The following PTPRT variants were observed in gnomAD, a reference collection of about 807,000 sequenced individuals.
PTPRT encodes receptor-type tyrosine-protein phosphatase T.
In PTPRT, 56 loss-of-function variants were observed where a neutral mutation model predicts 176.8. That is an observed-to-expected ratio of 0.32 (90% CI 0.26 to 0.40). The LOEUF is 0.40. PTPRT is among the 10% of genes least tolerant of loss of function. The pLI is 1.00. For synonymous variants in PTPRT, 783 were observed against 739.0 expected, an observed-to-expected ratio of 1.06 and a Z score of -0.96; for missense variants, 1,540 against 1,908.2, an observed-to-expected ratio of 0.81 and a Z score of 3.60.
chr20:43,103,476 T>G (rs778568385), intron 1 of PTPRT, among the ~76,000 whole-genome samples: 9 of 152,152 alleles, frequency 5.9e-5, no homozygotes, highest in Non-Finnish European at 1.0e-4. Flanking sequence ...CTGAGACCCT[T>G]TTCAGATGAC....
chr20:42,636,170 T>C (rs150129766), intron 7 of PTPRT, among the ~76,000 whole-genome samples: 2 of 152,232 alleles, frequency 1.3e-5, no homozygotes, highest in Non-Finnish European at 2.9e-5. Context: ...TATGGCTGCA[T>C]GGAGGTTGCC....
chr20:42,124,878 G>T (rs1172019998), intron 19 of PTPRT, among the ~76,000 whole-genome samples: 7 of 152,060 alleles, frequency 4.6e-5, no homozygotes, highest in African/African-American at 7.2e-5. Context: ...TTCCTTCCAT[G>T]GTCTGCTCTG....
chr20:43,167,325 A>G (rs554768850), intron 1 of PTPRT, among the ~76,000 whole-genome samples: 8 of 152,334 alleles, frequency 5.3e-5, no homozygotes, highest in African/African-American at 1.7e-4. Flanking sequence ...TAACCAGATC[A>G]AATCTATCAG....
At chr20:42,115,103 G>A in intron 22 of PTPRT, 96 bp downstream of exon 22, 1 of 873,194 alleles carries the variant, frequency 1.1e-6, no homozygotes, top group Non-Finnish European at 1.9e-6. Context: ...TATGGGGCTG[G>A]ACGTAGAGCA....
chr20:43,055,473 G>A (rs925590942), intron 1 of PTPRT, among the ~76,000 whole-genome samples: 1 of 152,124 alleles, frequency 6.6e-6, no homozygotes, highest in Non-Finnish European at 1.5e-5. Context: ...AGTCTTTCCT[G>A]GGACTCTGAC....
intron 7 of PTPRT, among the ~76,000 whole-genome samples, chr20:42,554,476 G>C (rs963705764): frequency 1.2e-4 from 18 of 152,136 alleles, no homozygotes; most frequent in African/African-American, 4.3e-4. Flanking sequence ...GGGCAGGGAG[G>C]CTGTCCTCAC....
chr20:43,127,342 G>T (rs1436277024), intron 1 of PTPRT, among the ~76,000 whole-genome samples: 3 of 150,662 alleles, frequency 2.0e-5, no homozygotes, highest in Admixed American at 6.7e-5. Context: ...AGAATGGCGT[G>T]AACCTGGGAG....
intron 2 of PTPRT, among the ~76,000 whole-genome samples, chr20:42,875,923 T>G (rs2078921984): frequency 6.6e-6 from 1 of 152,206 alleles, no homozygotes; most frequent in Non-Finnish European, 1.5e-5. Flanking sequence ...GTTGCAAAGA[T>G]TAAATAAGTT....
chr20:42,117,215 T>C lies in PTPRT; in HGVS notation c.2982+1188A>G, dbSNP rs117388631. ...GCCCTGAGATGTCCATACCCCTTTA[T>C]TGGATTACGAAAGCCCAGATTGTCT... On this transcript the variant is annotated intron_variant, in intron 21 of 30. Transcript: ENST00000373187. 1.4e-3 allele frequency among the ~76,000 whole-genome samples: 207 copies of C among 152,332 alleles called. 5 individuals carry two copies. The East Asian group carries it at 0.036, about 26-fold the overall frequency.
At chr20:42,727,134 T>C (rs2076393200) in intron 6 of PTPRT, among the ~76,000 whole-genome samples, 1 of 152,118 alleles carries the variant, frequency 6.6e-6, no homozygotes, top group African/African-American at 2.4e-5. Flanking sequence ...GAGAGAGGCC[T>C]CCATTGTGGG....
At chr20:42,248,346 C>T (rs1166858593) in intron 14 of PTPRT, among the ~76,000 whole-genome samples, 9 of 152,138 alleles carry the variant, frequency 5.9e-5, no homozygotes, top group South Asian at 2.1e-4. Flanking sequence ...CTGGGGCTCC[C>T]GAGCTATCTT....
At chr20:43,160,250 A>G (rs1428773604) in intron 1 of PTPRT, among the ~76,000 whole-genome samples, 1 of 152,192 alleles carries the variant, frequency 6.6e-6, no homozygotes, top group African/African-American at 2.4e-5. Context: ...GGCCTCACGG[A>G]GGCATCCAAC....
rs1024332507 is a variant in PTPRT at position 42,855,408 on chromosome 20, G to C, written c.214+30399C>G. On this transcript the variant is annotated intron_variant, in intron 2 of 30. Transcript: ENST00000373187. ...AAGTGCCACCTGGGCCAAAATGAAAGAAGAGTAATCTATGTTCATGCTTTT... is the reference window on the plus strand; with the variant it reads ...AAGTGCCACCTGGGCCAAAATGAAACAAGAGTAATCTATGTTCATGCTTTT... Among the ~76,000 whole-genome samples, 3 of 144,232 alleles carry C rather than the reference G, an allele frequency of 2.1e-5. No homozygotes were observed. The East Asian group carries it at 6.2e-4, about 30-fold the overall frequency. 94.6% of individuals were successfully genotyped at this position (144,232 alleles called of 152,430 possible).
At position 42,123,844 on chromosome 20, in the gene PTPRT, C is replaced by A. The variant is rs555242155; in HGVS notation, c.2848-3873G>T. On this transcript the variant is annotated intron_variant, in intron 19 of 30. Coordinates refer to ENST00000373187, the MANE Select transcript of PTPRT (RefSeq NM_007050.6). ...CACCCCATCAGCTTCTTTCCACTTTCTCTGGCTTACTTTTCGTTAGATAAC... is the reference window on the plus strand; with the variant it reads ...CACCCCATCAGCTTCTTTCCACTTTATCTGGCTTACTTTTCGTTAGATAAC... Among the ~76,000 whole-genome samples the A allele has an allele frequency of 5.9e-5, 9 of 152,336 alleles. No homozygotes were observed. The South Asian group carries it at 1.9e-3, about 32-fold the overall frequency.
Position 42,184,589 on chromosome 20 carries a change from TTCTTCC to T in PTPRT, c.2491+14645_2491+14650del, listed in dbSNP as rs1568652457. On this transcript the variant is annotated intron_variant, in intron 16 of 30. Coordinates refer to ENST00000373187, the MANE Select transcript of PTPRT (RefSeq NM_007050.6). ...CTTCTTCTTCTTCTTCTTCTTCTTCTTCTTCCTCTTCTTCTTCTTCTTCTTCTCCTC... is the reference window on the plus strand; with the variant it reads ...CTTCTTCTTCTTCTTCTTCTTCTTCTTCTTCTTCTTCTTCTTCTTCTCCTC... 3.5e-4 allele frequency among the ~76,000 whole-genome samples: 50 copies of T among 143,560 alleles called. 1 individual carries two copies. Among genetic ancestry groups the T allele is most frequent in the Middle Eastern group, 6.8e-3 (2 of 292 alleles). The allele number at this position is 143,560 out of a possible 152,430, so 94.2% of individuals were successfully genotyped here.
intron 7 of PTPRT, among the ~76,000 whole-genome samples, chr20:42,596,586 A>C (rs1022365639): frequency 6.6e-6 from 1 of 152,142 alleles, no homozygotes; most frequent in Non-Finnish European, 1.5e-5. Flanking sequence ...GTAACAGAAA[A>C]CCTAATATCT....
intron 1 of PTPRT, among the ~76,000 whole-genome samples, chr20:43,131,460 T>C (rs1467936601): frequency 1.3e-5 from 2 of 152,254 alleles, no homozygotes; most frequent in African/African-American, 4.8e-5. Context: ...TAATGATATA[T>C]TATTTCTATA....
At chr20:42,242,077 C>T (rs1300258774) in intron 14 of PTPRT, among the ~76,000 whole-genome samples, 1 of 152,106 alleles carries the variant, frequency 6.6e-6, no homozygotes. Flanking sequence ...TTAGCTTGGC[C>T]TGAGTTAGCT....
At chr20:42,731,920 C>A (rs1402431227) in intron 6 of PTPRT, among the ~76,000 whole-genome samples, 1 of 152,184 alleles carries the variant, frequency 6.6e-6, no homozygotes, top group African/African-American at 2.4e-5. Flanking sequence ...TTCTCATTCT[C>A]CAGGTTTTAA....
Sources: gnomAD v4.1 joint callset for allele counts (sites outside exome capture counted in the v4.1 genomes callset) on GRCh38, gnomAD v4.1.1 for gene constraint, MANE v1.5 for transcripts, NCBI Gene and HGNC (gene_info 2026-07-23, HGNC 2026-07-21) for gene names.